The following DLD variants were observed in gnomAD, a reference collection of about 807,000 sequenced individuals.
DLD encodes the protein dihydrolipoyl dehydrogenase, mitochondrial.
DLD carries 36 observed loss-of-function variants against 62.2 expected under a neutral mutation model. The ratio of observed to expected loss-of-function variants is 0.58; its 90% CI spans 0.44 to 0.76. DLD has a LOEUF of 0.76. Ranked by LOEUF, DLD falls within the 30% of genes least tolerant of loss-of-function variation. DLD has a pLI of 0.00. For missense variants in DLD, 541 were observed against 608.6 expected (o/e 0.89, Z 1.17); for synonymous variants, 204 against 199.6 (o/e 1.02, Z -0.19).
intron 12 of DLD, 61 bp downstream of exon 12, chr7:107,918,122 A>G: frequency 6.3e-7 from 1 of 1,596,702 alleles, no homozygotes. Flanking sequence ...GCTGTTTATT[A>G]ATTATAAACC....
At chr7:107,903,140 T>C (rs1678263550) in intron 4 of DLD, among the ~76,000 whole-genome samples, 1 of 151,968 alleles carries the variant, frequency 6.6e-6, no homozygotes, top group Non-Finnish European at 1.5e-5. Context: ...GGCTCACGTC[T>C]GTAATCCCAG....
intron 2 of DLD, among the ~76,000 whole-genome samples, chr7:107,899,717 T>C (rs10238807): frequency 0.06 from 9,068 of 152,062 alleles, 886 homozygotes; most frequent in African/African-American, 0.21. Flanking sequence ...TTGAATTTTA[T>C]AAAAACTTTC....
chr7:107,912,733 T>A (rs554745415), intron 8 of DLD, among the ~76,000 whole-genome samples: 1 of 152,154 alleles, frequency 6.6e-6, no homozygotes, highest in Non-Finnish European at 1.5e-5. Flanking sequence ...TTTGCAAATA[T>A]TTTCTTCCTT....
chr7:107,891,618 G>A (rs2031578370), intron 1 of DLD: 5 of 522,520 alleles, frequency 9.6e-6, no homozygotes, highest in Non-Finnish European at 1.7e-5. Context: ...GGAAGTGTAA[G>A]CCACCCATGT....
Position 107,919,325 on chromosome 7 carries a change from A to T in DLD, c.*66A>T. On this transcript the variant is annotated 3_prime_UTR_variant, in exon 14 of 14. Transcript: ENST00000205402. Reference sequence around the variant, plus strand: ...AGCTTTTGTAGAAGTCACATTCCTGAACAGGATATTCTCACAGCTCCAAGA... The same window carrying T: ...AGCTTTTGTAGAAGTCACATTCCTGTACAGGATATTCTCACAGCTCCAAGA... The T allele has an allele frequency of 7.9e-7, 1 of 1,269,824 alleles. No homozygotes were observed. Among genetic ancestry groups the T allele is most frequent in the African/African-American group, 1.5e-5 (1 of 68,260 alleles). 78.7% of individuals were successfully genotyped at this position (1,269,824 alleles called of 1,614,324 possible).
intron 1 of DLD, 144 bp from the exon 2 acceptor site, chr7:107,893,056 T>TAG: frequency 1.8e-6 from 1 of 570,662 alleles, no homozygotes; most frequent in Non-Finnish European, 3.1e-6. Flanking sequence ...TATTGATCTG[T>TAG]AGCTTCTGTG....
chr7:107,891,120 C>G, upstream of DLD: 1 of 1,187,072 alleles, frequency 8.4e-7, no homozygotes, highest in Non-Finnish European at 1.2e-6. Context: ...ACCGCGCGGG[C>G]CAATCGCGCT....
intron 13 of DLD, 45 bp downstream of exon 13, chr7:107,919,144 T>C (rs375887158): frequency 2.5e-6 from 4 of 1,612,242 alleles, no homozygotes; most frequent in Non-Finnish European, 3.4e-6. Flanking sequence ...CTAAATTTTC[T>C]TCTGACCCAC....
intron 2 of DLD, among the ~76,000 whole-genome samples, chr7:107,898,024 T>C (rs1302733551): frequency 6.6e-6 from 1 of 152,122 alleles, no homozygotes; most frequent in Non-Finnish European, 1.5e-5. Context: ...TTCTTGACTT[T>C]TTTCTTTGAG....
chr7:107,917,878 A>T (rs749139375), intron 11 of DLD, 46 bp from the exon 12 acceptor site: 6 of 1,613,140 alleles, frequency 3.7e-6, no homozygotes, highest in Non-Finnish European at 2.5e-6. Flanking sequence ...AATTGGAAAG[A>T]ACTTTTCTGG....
chr7:107,903,557 C>T lies in DLD; in HGVS notation c.337+10C>T, dbSNP rs752671238. On this transcript the variant is annotated intron_variant, in intron 5 of 13. Transcript: ENST00000205402. ...TCTAGAGGAATTGAAAGTAAGTATA[C>T]TTTTCATGCTTAATGATATTACCAG... The T allele has an allele frequency of 6.6e-7, 1 of 1,523,844 alleles. No individual in the cohort carries two copies. Among genetic ancestry groups the T allele is most frequent in the Non-Finnish European group, 9.1e-7 (1 of 1,099,614 alleles). 94.4% of individuals were successfully genotyped at this position (1,523,844 alleles called of 1,614,324 possible).
At position 107,891,580 on chromosome 7, in the gene DLD, C is replaced by G. The variant is rs2031576421; in HGVS notation, c.39+291C>G. 16 of 574,342 alleles carry G rather than the reference C, an allele frequency of 2.8e-5. 1 individual carries two copies. The highest frequency in any genetic ancestry group is 2.8e-4 in the South Asian group (14 of 50,522). 35.6% of individuals were successfully genotyped at this position (574,342 alleles called of 1,614,324 possible). A position where few individuals can be genotyped will look rare whatever the true frequency, so the allele number is the denominator to read the frequency against. On this transcript the variant is annotated intron_variant, in intron 1 of 13. Coordinates refer to ENST00000205402, the MANE Select transcript of DLD (RefSeq NM_000108.5). ...CCCCAAGCCTGGGCCGAGGGCCATCCCGGTCACACATAGGCCTCTACCTTG... is the reference window on the plus strand; with the variant it reads ...CCCCAAGCCTGGGCCGAGGGCCATCGCGGTCACACATAGGCCTCTACCTTG...
Position 107,901,750 on chromosome 7 carries a change from T to C in DLD, c.131T>C (p.Val44Ala). Residue 44 changes from valine to alanine, a missense_variant, in exon 3 of 14, where the codon GTA becomes GCA. By Grantham distance (64) the Val-to-Ala change is moderately conservative. Transcript: ENST00000205402. Reference sequence around the variant, plus strand: ...GCTTTTATCGTAGTTGATGCTGATGTAACAGTTATAGGTTCTGGTCCTGGA... The same window carrying C: ...GCTTTTATCGTAGTTGATGCTGATGCAACAGTTATAGGTTCTGGTCCTGGA... ...TYADQPIDAD[V>A]TVIGSGPGGY... 6.2e-7 allele frequency: 1 copy of C among 1,613,538 alleles called. No homozygotes were observed. Among genetic ancestry groups the C allele is most frequent in the Non-Finnish European group, 8.5e-7 (1 of 1,179,546 alleles).
Position 107,919,342 on chromosome 7 carries a change from G to A in DLD, c.*83G>A. On this transcript the variant is annotated 3_prime_UTR_variant, in exon 14 of 14. Coordinates refer to ENST00000205402, the MANE Select transcript of DLD (RefSeq NM_000108.5). Reference sequence around the variant, plus strand: ...CATTCCTGAACAGGATATTCTCACAGCTCCAAGAATTTCTAGGACTGAATT... The same window carrying A: ...CATTCCTGAACAGGATATTCTCACAACTCCAAGAATTTCTAGGACTGAATT... The A allele has an allele frequency of 8.8e-7, 1 of 1,138,422 alleles. No individual in the cohort carries two copies. The highest frequency in any genetic ancestry group is 1.3e-6 in the Non-Finnish European group (1 of 777,270). The allele number at this position is 1,138,422 out of a possible 1,614,324, so 70.5% of individuals were successfully genotyped here.
chr7:107,904,937 G>A, intron 5 of DLD, 21 bp from the exon 6 acceptor site: 4 of 1,580,000 alleles, frequency 2.5e-6, no homozygotes, highest in Non-Finnish European at 3.5e-6. Flanking sequence ...AAGAACTAAA[G>A]ATTAATTGAA....
Position 107,891,309 on chromosome 7 carries a change from G to C in DLD, c.39+20G>C, listed in dbSNP as rs2116150396. ...GCCAAGGTGAGGGCCGAGTAGGTGAGGTCGTGTTGAGCCAGAGGCACGGAA... is the reference window on the plus strand; with the variant it reads ...GCCAAGGTGAGGGCCGAGTAGGTGACGTCGTGTTGAGCCAGAGGCACGGAA... On this transcript the variant is annotated intron_variant, in intron 1 of 13. Coordinates refer to ENST00000205402, the MANE Select transcript of DLD (RefSeq NM_000108.5). 2 of 1,613,998 alleles carry C rather than the reference G, an allele frequency of 1.2e-6. No individual in the cohort carries two copies. Among genetic ancestry groups the C allele is most frequent in the South Asian group, 1.1e-5 (1 of 91,076 alleles).
intron 8 of DLD, among the ~76,000 whole-genome samples, chr7:107,906,720 C>G (rs1584465911): frequency 6.6e-6 from 1 of 152,282 alleles, no homozygotes; most frequent in South Asian, 2.1e-4. Flanking sequence ...CCATCACATA[C>G]ATGATTTGGC....
chr7:107,911,691 G>T lies in DLD; in HGVS notation c.685-3815G>T, dbSNP rs758660496. Among the ~76,000 whole-genome samples, 185 of 150,030 alleles carry T rather than the reference G, an allele frequency of 1.2e-3. 2 individuals carry two copies. The highest frequency in any genetic ancestry group is 0.01 in the East Asian group (53 of 5,100). The stretch of plus-strand genomic sequence containing the variant: ...TTGTGTAGTAGTAACTCACTGTGGG[G>T]TTTTTTTTTCTATTTTTATTTTTTA... On this transcript the variant is annotated intron_variant, in intron 8 of 13. Coordinates refer to ENST00000205402, the MANE Select transcript of DLD (RefSeq NM_000108.5).
intron 8 of DLD, among the ~76,000 whole-genome samples, chr7:107,914,985 C>G (rs541262264): frequency 6.6e-6 from 1 of 152,126 alleles, no homozygotes; most frequent in African/African-American, 2.4e-5. Flanking sequence ...TTTGTACTTG[C>G]TGTTTCCCTC....
Sources: allele counts gnomAD v4.1 joint callset (sites outside exome capture counted in the v4.1 genomes callset), GRCh38; gene constraint gnomAD v4.1.1; transcripts MANE v1.5; gene names NCBI Gene and HGNC (gene_info 2026-07-23, HGNC 2026-07-21).